Variants in UBE2E1 observed in about 807,000 individuals in gnomAD.
UBE2E1 encodes the protein ubiquitin-conjugating enzyme E2 E1.
A neutral mutation model predicts 21.4 loss-of-function variants in UBE2E1; 6 were observed. The observed-to-expected ratio is 0.28, with a 90% CI of 0.15 to 0.55. The LOEUF is 0.55. Among genes scored for constraint, UBE2E1 ranks in the 20% least tolerant of loss-of-function variants. UBE2E1 has a pLI of 0.93. For missense variants in UBE2E1, 142 were observed against 236.5 expected, an observed-to-expected ratio of 0.60 and a Z score of 2.62; for synonymous variants, 87 against 82.7, an observed-to-expected ratio of 1.05 and a Z score of -0.28.
chr3:23,807,660 A>T (rs542169040), intron 2 of UBE2E1: 12 of 406,618 alleles, frequency 3.0e-5, no homozygotes, highest in Non-Finnish European at 4.3e-6. Context: ...AGTTTGTAAG[A>T]TTCCTCGTTA....
chr3:23,843,810 C>A (rs1438749104), intron 3 of UBE2E1, among the ~76,000 whole-genome samples: 1 of 152,194 alleles, frequency 6.6e-6, no homozygotes, highest in African/African-American at 2.4e-5. Context: ...TTCAGCCAAA[C>A]AGTGAAAATT....
Position 23,810,625 on chromosome 3 carries a change from G to T in UBE2E1, c.153-835G>T. On this transcript the variant is annotated intron_variant, in intron 2 of 5. Transcript: ENST00000306627. The surrounding 1 kb of genome is among the most constrained non-coding windows in gnomAD (Gnocchi z 5.8). ...CGCGGGCCGGCCACTTGGGGTCTGT[G>T]GTGCCCGAGTGGCGGGCGGGGGTGT... is the stretch of plus-strand genomic sequence containing the variant. 1.7e-6 allele frequency: 2 copies of T among 1,202,912 alleles called. No individual in the cohort carries two copies. Among genetic ancestry groups the T allele is most frequent in the Non-Finnish European group, 2.2e-6 (2 of 891,088 alleles). The allele number at this position is 1,202,912 out of a possible 1,614,324, so 74.5% of individuals were successfully genotyped here. A position where few individuals can be genotyped will look rare whatever the true frequency, so the allele number is the denominator to read the frequency against.
rs1559472499 is a variant in UBE2E1 at position 23,807,301 on chromosome 3, GCTC to G, written c.39_41del (p.Ser18del). 1.2e-6 allele frequency: 2 copies of G among 1,613,894 alleles called. No homozygotes were observed. The highest frequency in any genetic ancestry group is 2.2e-5 in the South Asian group (2 of 91,052). On this transcript the variant is annotated inframe_deletion, in exon 2 of 6. Coordinates refer to ENST00000306627, the MANE Select transcript of UBE2E1 (RefSeq NM_003341.5). The stretch of plus-strand genomic sequence containing the variant: ...GATGACGATTCGAGGGCCAGCACCA[GCTC>G]CTCCTCATCTTCGTCTTCCAACCAG...
intron 3 of UBE2E1, among the ~76,000 whole-genome samples, chr3:23,826,392 C>A (rs1204190334): frequency 6.6e-6 from 1 of 152,214 alleles, no homozygotes; most frequent in Non-Finnish European, 1.5e-5. Flanking sequence ...GTGTGCTTGC[C>A]TTGGTTCCTG....
At chr3:23,880,921 CTG>C (rs1701023859) in intron 3 of UBE2E1, among the ~76,000 whole-genome samples, 1 of 152,198 alleles carries the variant, frequency 6.6e-6, no homozygotes, top group South Asian at 2.1e-4. Context: ...CTGTTTAAGA[CTG>C]TATATGTGTA....
intron 3 of UBE2E1, among the ~76,000 whole-genome samples, chr3:23,854,583 C>G (rs566313884): frequency 4.6e-5 from 7 of 152,232 alleles, no homozygotes; most frequent in African/African-American, 1.7e-4. Context: ...AGTCAGGTAT[C>G]TATACTTGTA....
intron 2 of UBE2E1, chr3:23,811,101 T>A: frequency 3.8e-6 from 1 of 260,814 alleles, no homozygotes; most frequent in Non-Finnish European, 7.4e-6. Flanking sequence ...ATGGCTGTGA[T>A]CTCTCCGTGC....
In UBE2E1 at chr3:23,845,589, C is replaced by CTCTCTCTCTCTCTCTCTCTCTG. The variant is rs1553637998; in HGVS notation, c.203+34080_203+34081insCTCTCTCTCTCTCTCTCTCTGT. Among the ~76,000 whole-genome samples the CTCTCTCTCTCTCTCTCTCTCTG allele has an allele frequency of 7.7e-4, 94 of 121,344 alleles. 2 individuals carry two copies. In the South Asian group the frequency reaches 8.7e-3, roughly 11 times the overall value. The allele number at this position is 121,344 out of a possible 152,430, so 79.6% of individuals were successfully genotyped here. On this transcript the variant is annotated intron_variant, in intron 3 of 5. Coordinates refer to ENST00000306627, the MANE Select transcript of UBE2E1 (RefSeq NM_003341.5). ...TCTCTCTCTCTCTCTCTCTCTCTCT[C>CTCTCTCTCTCTCTCTCTCTCTG]TGTGTGTGTGTGTGTGTGTGTGTGT...
chr3:23,833,533 T>C (rs2125295510), intron 3 of UBE2E1, among the ~76,000 whole-genome samples: 1 of 152,356 alleles, frequency 6.6e-6, no homozygotes, highest in South Asian at 2.1e-4. Context: ...GAAAGCCATG[T>C]CATAGCAGTA....
chr3:23,845,538 G>T (rs116791636), intron 3 of UBE2E1, among the ~76,000 whole-genome samples: 28 of 146,524 alleles, frequency 1.9e-4, no homozygotes, highest in African/African-American at 6.8e-4. Flanking sequence ...TTCCTCTTTT[G>T]TCCATCTCCC....
chr3:23,874,536 C>G (rs557559649), intron 3 of UBE2E1, among the ~76,000 whole-genome samples: 10 of 152,280 alleles, frequency 6.6e-5, no homozygotes, highest in African/African-American at 2.4e-4. Context: ...ACTGAAGAAT[C>G]TGGACTCCAC....
chr3:23,848,917 G>C (rs1700266244), intron 3 of UBE2E1, among the ~76,000 whole-genome samples: 1 of 152,180 alleles, frequency 6.6e-6, no homozygotes, highest in African/African-American at 2.4e-5. Context: ...ACTTAGTACA[G>C]TGTTCTCAAG....
chr3:23,809,895 C>G (rs536445717), intron 2 of UBE2E1, among the ~76,000 whole-genome samples: 5 of 152,146 alleles, frequency 3.3e-5, no homozygotes, highest in African/African-American at 1.2e-4. Context: ...AGAAATGAAA[C>G]GCTTTTTGAT....
chr3:23,807,229 C>G lies in UBE2E1; in HGVS notation c.-33-8C>G. The G allele has an allele frequency of 6.3e-7, 1 of 1,590,578 alleles. No individual in the cohort carries two copies. On this transcript the variant is annotated splice_polypyrimidine_tract_variant and splice_region_variant and intron_variant, in intron 1 of 5. Transcript: ENST00000306627. ...GTGTGTTTCTGTTTTGTTTCTCTCC[C>G]CCTGCAGGGGCTGTTTGCGGGGTGG... is the stretch of plus-strand genomic sequence containing the variant.
intron 3 of UBE2E1, among the ~76,000 whole-genome samples, chr3:23,828,568 G>A (rs1341878096): frequency 6.6e-6 from 1 of 152,180 alleles, no homozygotes; most frequent in Non-Finnish European, 1.5e-5. Flanking sequence ...TAAAACATTA[G>A]AGTCACCATC....
chr3:23,861,129 T>C (rs1381050037), intron 3 of UBE2E1, among the ~76,000 whole-genome samples: 1 of 152,218 alleles, frequency 6.6e-6, no homozygotes, highest in Non-Finnish European at 1.5e-5. Flanking sequence ...ATCTTATTTG[T>C]ATATGTGTTG....
rs775564615 is a variant in UBE2E1, at chr3:23,890,743, A to G, written c.*137A>G. 1 of 754,918 alleles carries G rather than the reference A, an allele frequency of 1.3e-6. No individual in the cohort carries two copies. Among genetic ancestry groups the G allele is most frequent in the Non-Finnish European group, 1.9e-6 (1 of 514,138 alleles). 46.8% of individuals were successfully genotyped at this position (754,918 alleles called of 1,614,324 possible). A position where few individuals can be genotyped will look rare whatever the true frequency, so the allele number is the denominator to read the frequency against. Reference sequence around the variant, plus strand: ...CAGATATTATTCAGTCTTATTTCCTAAGATTTTGTTGTAACTTAAGGTATC... The same window carrying G: ...CAGATATTATTCAGTCTTATTTCCTGAGATTTTGTTGTAACTTAAGGTATC... On this transcript the variant is annotated 3_prime_UTR_variant, in exon 6 of 6. Transcript: ENST00000306627.
At chr3:23,861,388 T>C (rs1204317359) in intron 3 of UBE2E1, among the ~76,000 whole-genome samples, 2 of 152,182 alleles carry the variant, frequency 1.3e-5, no homozygotes, top group Admixed American at 1.3e-4. Context: ...TGACTAGTTT[T>C]CTGTTACCTC....
chr3:23,855,307 A>G (rs1700411198), intron 3 of UBE2E1, among the ~76,000 whole-genome samples: 1 of 152,154 alleles, frequency 6.6e-6, no homozygotes, highest in Admixed American at 6.6e-5. Flanking sequence ...GTACATCTTG[A>G]TACGTTAATT....
Sources: allele counts gnomAD v4.1 joint callset (sites outside exome capture counted in the v4.1 genomes callset), GRCh38; gene constraint gnomAD v4.1.1; non-coding constraint Gnocchi (gnomAD v3.1); transcripts MANE v1.5; gene names NCBI Gene and HGNC (gene_info 2026-07-23, HGNC 2026-07-21).